Variants in CREB5 observed in about 807,000 individuals in gnomAD.
The protein encoded by CREB5 is cyclic AMP-responsive element-binding protein 5.
A neutral mutation model predicts 57.1 loss-of-function variants in CREB5; 19 were observed. The ratio of observed to expected loss-of-function variants is 0.33; its 90% CI spans 0.23 to 0.49. The LOEUF (loss-of-function observed/expected upper bound fraction) is 0.49, where lower values mean the gene tolerates loss of function less well. Ranked by LOEUF, CREB5 falls within the 20% of genes least tolerant of loss-of-function variation. The pLI is 0.99. For synonymous variants in CREB5, 238 were observed against 238.3 expected (o/e 1.00, Z 0.01); for missense variants, 579 against 671.6 (o/e 0.86, Z 1.52).
At chr7:28,644,817 T>C (rs762014967) in intron 5 of CREB5, among the ~76,000 whole-genome samples, 1 of 152,098 alleles carries the variant, frequency 6.6e-6, no homozygotes, top group Non-Finnish European at 1.5e-5. Context: ...AAAGAGCTAG[T>C]TAGTTTTGTT....
chr7:28,559,284 A>G (rs1383043482), intron 4 of CREB5, among the ~76,000 whole-genome samples: 3 of 152,160 alleles, frequency 2.0e-5, no homozygotes, highest in Non-Finnish European at 2.9e-5. Context: ...ATGACTTAGG[A>G]TAACTCAAAT....
At chr7:28,316,376 G>A (rs1280311118) in intron 1 of CREB5, among the ~76,000 whole-genome samples, 2 of 152,052 alleles carry the variant, frequency 1.3e-5, no homozygotes, top group Admixed American at 6.5e-5. Context: ...AAGCTGGCCC[G>A]GGGACACTGC....
At chr7:28,681,344 T>C (rs1800582125) in intron 5 of CREB5, among the ~76,000 whole-genome samples, 1 of 152,140 alleles carries the variant, frequency 6.6e-6, no homozygotes, top group Admixed American at 6.5e-5. Flanking sequence ...TACATTTCTT[T>C]TTCTTTAATT....
At chr7:28,397,061 G>A (rs970139913) in intron 1 of CREB5, among the ~76,000 whole-genome samples, 1 of 152,074 alleles carries the variant, frequency 6.6e-6, no homozygotes, top group African/African-American at 2.4e-5. Flanking sequence ...AGCATTAGAC[G>A]GTTAAATGAT....
chr7:28,760,283 C>G (rs1186816992), intron 7 of CREB5, among the ~76,000 whole-genome samples: 1 of 152,120 alleles, frequency 6.6e-6, no homozygotes, highest in Admixed American at 6.5e-5. Context: ...TTTCCTCTCC[C>G]AGGAGACTCA....
chr7:28,695,802 C>T (rs575342496), intron 5 of CREB5, among the ~76,000 whole-genome samples: 13 of 152,300 alleles, frequency 8.5e-5, no homozygotes, highest in African/African-American at 2.4e-4. Context: ...GCTCTGAACA[C>T]ACTGCTTCCT....
chr7:28,337,633 G>A (rs752098795), intron 1 of CREB5, among the ~76,000 whole-genome samples: 5 of 151,694 alleles, frequency 3.3e-5, no homozygotes, highest in South Asian at 2.1e-4. Context: ...ATTGGGTCTT[G>A]TTTGTTTTTT....
intron 5 of CREB5, among the ~76,000 whole-genome samples, chr7:28,714,625 G>A (rs1441117451): frequency 2.6e-5 from 4 of 152,164 alleles, no homozygotes; most frequent in African/African-American, 7.2e-5. Context: ...CGCTTGCTGC[G>A]GTGCCTATCA....
chr7:28,529,245 G>C (rs1436390718), intron 4 of CREB5, among the ~76,000 whole-genome samples: 2 of 152,230 alleles, frequency 1.3e-5, no homozygotes, highest in African/African-American at 4.8e-5. Context: ...ATGCACGAGA[G>C]TGGTCACTGA....
At chr7:28,549,130 T>C (rs1449782924) in intron 4 of CREB5, among the ~76,000 whole-genome samples, 1 of 152,204 alleles carries the variant, frequency 6.6e-6, no homozygotes, top group Non-Finnish European at 1.5e-5. Context: ...ACCACCCTCA[T>C]TTCCATTCCA....
In CREB5 at chr7:28,700,485, C is replaced by T. The variant is rs185996501; in HGVS notation, c.465-18268C>T. Among the ~76,000 whole-genome samples the T allele has an allele frequency of 7.4e-4, 112 of 152,292 alleles. 1 individual carries two copies. The highest frequency in any genetic ancestry group is 3.4e-3 in the Middle Eastern group (1 of 294). ...GGCTCTCAGCACAGTTCCCGAGATA[C>T]AGCAGAAGCTGAGTAAAAGTTTAAC... On this transcript the variant is annotated intron_variant, in intron 5 of 10. Coordinates refer to ENST00000357727, the MANE Select transcript of CREB5 (RefSeq NM_182898.4).
chr7:28,433,248 C>T (rs538818797), intron 1 of CREB5, among the ~76,000 whole-genome samples: 1 of 152,228 alleles, frequency 6.6e-6, no homozygotes, highest in Admixed American at 6.5e-5. Context: ...ACTGATTGCC[C>T]CACGAATATC....
chr7:28,701,771 A>G (rs762812057), intron 5 of CREB5, among the ~76,000 whole-genome samples: 1 of 152,242 alleles, frequency 6.6e-6, no homozygotes, highest in Non-Finnish European at 1.5e-5. Context: ...AAAAAATATA[A>G]TTGATTTTTT....
intron 4 of CREB5, among the ~76,000 whole-genome samples, chr7:28,562,996 T>C (rs1795338863): frequency 6.6e-6 from 1 of 152,192 alleles, no homozygotes; most frequent in Non-Finnish European, 1.5e-5. Flanking sequence ...TGCCTAGAGC[T>C]GAGCTTTTCC....
At chr7:28,694,204 T>C (rs1266608290) in intron 5 of CREB5, among the ~76,000 whole-genome samples, 2 of 152,214 alleles carry the variant, frequency 1.3e-5, no homozygotes, top group Non-Finnish European at 2.9e-5. Flanking sequence ...AAAGGACTGA[T>C]CCCATTTAAT....
Position 28,561,025 on chromosome 7 carries a change from CGT to C in CREB5, c.292-9322_292-9321del, listed in dbSNP as rs79113344. On this transcript the variant is annotated intron_variant, in intron 4 of 10. Transcript: ENST00000357727. ...GTGTGCGTGTGTGTGTGCGTGTGTG[CGT>C]GTGTGTGTGTGTGTGTGAAGGTATT... Among the ~76,000 whole-genome samples, 63 of 49,676 alleles carry C rather than the reference CGT, an allele frequency of 1.3e-3. 5 individuals are homozygous for C. The highest frequency in any genetic ancestry group is 1.4e-3 in the Non-Finnish European group (39 of 28,072). The allele number at this position is 49,676 out of a possible 152,430, so 32.6% of individuals were successfully genotyped here. A position where few individuals can be genotyped will look rare whatever the true frequency, so the allele number is the denominator to read the frequency against.
chr7:28,700,217 C>T (rs188990221), intron 5 of CREB5, among the ~76,000 whole-genome samples: 49 of 152,288 alleles, frequency 3.2e-4, no homozygotes, highest in African/African-American at 1.1e-3. Flanking sequence ...ATCTCTCCAA[C>T]TCACACACGC....
rs575624967 is a variant in CREB5, at chr7:28,789,973, A to C, written c.703-14226A>C. Among the ~76,000 whole-genome samples the C allele has an allele frequency of 2.6e-5, 4 of 152,350 alleles. No homozygotes were observed. In the East Asian group the frequency reaches 7.7e-4, roughly 29 times the overall value. On this transcript the variant is annotated intron_variant, in intron 7 of 10. Transcript: ENST00000357727. ...CCAATCTTCCACCCCAAGAACACCA[A>C]GGAAATCAATGTTGTAGACCCAGAT... is the stretch of plus-strand genomic sequence containing the variant.
intron 1 of CREB5, among the ~76,000 whole-genome samples, chr7:28,437,656 A>G (rs910858842): frequency 1.3e-5 from 2 of 152,330 alleles, no homozygotes; most frequent in Middle Eastern, 3.4e-3. Flanking sequence ...AGGTGTAGTT[A>G]GTACTATAAT....
Sources: gnomAD v4.1 joint callset for allele counts (sites outside exome capture counted in the v4.1 genomes callset) on GRCh38, gnomAD v4.1.1 for gene constraint, MANE v1.5 for transcripts, NCBI Gene and HGNC (gene_info 2026-07-23, HGNC 2026-07-21) for gene names.